The following IQSEC1 variants were observed in gnomAD, a reference collection of about 807,000 sequenced individuals.
IQSEC1 encodes IQ motif and SEC7 domain-containing protein 1.
In IQSEC1, 31 loss-of-function variants were observed where a neutral mutation model predicts 91.0. The observed-to-expected ratio is 0.34, with a 90% confidence interval of 0.26 to 0.46. The LOEUF (loss-of-function observed/expected upper bound fraction) is 0.46. Ranked by LOEUF, IQSEC1 falls within the 20% of genes least tolerant of loss-of-function variation. The pLI, the probability that IQSEC1 is intolerant of heterozygous loss-of-function variation, is 1.00. For missense variants in IQSEC1, 1,388 were observed against 1,575.6 expected, an observed-to-expected ratio of 0.88 and a Z score of 2.02; for synonymous variants, 699 against 662.6, an observed-to-expected ratio of 1.05 and a Z score of -0.84.
intron 1 of IQSEC1, among the ~76,000 whole-genome samples, chr3:13,046,356 C>T (rs1704493468): frequency 6.6e-6 from 1 of 152,222 alleles, no homozygotes; most frequent in East Asian, 1.9e-4. Flanking sequence ...GCTGTGTCCT[C>T]CAGGAGCGCA....
intron 1 of IQSEC1, among the ~76,000 whole-genome samples, chr3:13,165,708 T>G (rs1576279080): frequency 6.6e-6 from 1 of 151,680 alleles, no homozygotes; most frequent in Non-Finnish European, 1.5e-5. Context: ...CCACCAACCA[T>G]GAGTGTGAGC....
At chr3:13,257,561 G>A (rs938592108) in intron 1 of IQSEC1, among the ~76,000 whole-genome samples, 1 of 152,212 alleles carries the variant, frequency 6.6e-6, no homozygotes, top group Non-Finnish European at 1.5e-5. Flanking sequence ...AAGCCTCAGG[G>A]AGACTCGGGA....
In IQSEC1 at chr3:12,936,058, G is replaced by T; in HGVS notation, c.958C>A (p.Leu320Ile). 1 of 1,606,376 alleles carries T rather than the reference G, an allele frequency of 6.2e-7. No homozygotes were observed. ...TCTGGGGCTGCGCCCCCAGCCCGTA[G>T]CCGCAGGTCCGACTCGGTGCTGGAC... ...RPSSTESDLR[L>I]RAGGAAPDYW... Residue 320 changes from leucine to isoleucine, a missense_variant, in exon 3 of 14, where the codon CTA (leucine) becomes ATA (isoleucine). Physicochemically the swap from Leu to Ile is conservative, Grantham distance 5. This residue lies in a region of IQSEC1 where 1,059 missense variants were observed against 1,317.8 expected (regional missense o/e 0.80). Transcript: ENST00000613206.
intron 1 of IQSEC1, among the ~76,000 whole-genome samples, chr3:13,173,138 A>G (rs1693650999): frequency 1.3e-5 from 2 of 152,354 alleles, no homozygotes; most frequent in South Asian, 4.1e-4. Context: ...AAATCTGAGA[A>G]ACCTCCAAGG....
intron 2 of IQSEC1, among the ~76,000 whole-genome samples, chr3:13,108,514 T>A (rs1218405825): frequency 6.6e-6 from 1 of 152,162 alleles, no homozygotes; most frequent in Non-Finnish European, 1.5e-5. Context: ...ATTCTATTTT[T>A]TTTTTTAGCC....
At chr3:12,949,173 C>A (rs920394819) in intron 1 of IQSEC1, among the ~76,000 whole-genome samples, 34 of 152,348 alleles carry the variant, frequency 2.2e-4, no homozygotes, top group Admixed American at 2.0e-3. Flanking sequence ...TGACCCCACA[C>A]CATGCCTCTC....
chr3:13,078,954 C>T (rs1043612287), intron 2 of IQSEC1, among the ~76,000 whole-genome samples: 4 of 152,216 alleles, frequency 2.6e-5, no homozygotes, highest in Non-Finnish European at 4.4e-5. Context: ...TCTTTTCTAT[C>T]AGTATTGTAA....
intron 9 of IQSEC1, among the ~76,000 whole-genome samples, chr3:12,912,849 C>T (rs1695700396): frequency 6.6e-6 from 1 of 152,172 alleles, no homozygotes; most frequent in African/African-American, 2.4e-5. Flanking sequence ...CCCCAGTTTC[C>T]TTTTGGGGAA....
chr3:12,932,086 G>C (rs1164899388), intron 3 of IQSEC1, among the ~76,000 whole-genome samples: 3 of 152,244 alleles, frequency 2.0e-5, no homozygotes, highest in Non-Finnish European at 4.4e-5. Context: ...GCTCATTCCA[G>C]GGAGGAATGT....
intron 1 of IQSEC1, among the ~76,000 whole-genome samples, chr3:13,182,722 G>A (rs1693865595): frequency 6.6e-6 from 1 of 151,798 alleles, no homozygotes; most frequent in Non-Finnish European, 1.5e-5. Flanking sequence ...AAATCGCAAG[G>A]GAAATTCAAA....
In IQSEC1 at chr3:12,966,631, C is replaced by T. The variant is rs73028715; in HGVS notation, c.24-24766G>A. 9.0e-3 allele frequency among the ~76,000 whole-genome samples: 1,374 copies of T among 152,280 alleles called. 16 individuals carry two copies. The highest frequency in any genetic ancestry group is 0.025 in the South Asian group (120 of 4,830). ...CCCCTAAGTAGAAAAGGGTTGGCCC[C>T]TCTGACACACCAGACTCCATCCCTG... On this transcript the variant is annotated intron_variant, in intron 1 of 13. Coordinates refer to ENST00000613206, the MANE Select transcript of IQSEC1 (RefSeq NM_001134382.3).
At chr3:13,036,528 C>A (rs929824932) in intron 1 of IQSEC1, among the ~76,000 whole-genome samples, 1 of 152,150 alleles carries the variant, frequency 6.6e-6, no homozygotes, top group Non-Finnish European at 1.5e-5. Context: ...TTCAGAACTG[C>A]ACTGTCCCCT....
chr3:13,153,606 A>T (rs1018021057), intron 2 of IQSEC1, among the ~76,000 whole-genome samples: 1 of 152,154 alleles, frequency 6.6e-6, no homozygotes, highest in Non-Finnish European at 1.5e-5. Flanking sequence ...CCTCCTGGCC[A>T]ATTCCTGTGG....
intron 1 of IQSEC1, among the ~76,000 whole-genome samples, chr3:13,168,240 C>T (rs1693534959): frequency 6.6e-6 from 1 of 152,176 alleles, no homozygotes. Context: ...TCTCAAATCA[C>T]CACGATTATT....
chr3:13,158,483 C>A (rs1439510265), intron 2 of IQSEC1, among the ~76,000 whole-genome samples: 4 of 152,240 alleles, frequency 2.6e-5, no homozygotes, highest in African/African-American at 9.6e-5. Context: ...ACTCACACAT[C>A]TTGGTTCCAG....
intron 1 of IQSEC1, among the ~76,000 whole-genome samples, chr3:12,981,445 C>T (rs1559696263): frequency 2.0e-5 from 3 of 152,050 alleles, no homozygotes; most frequent in South Asian, 2.1e-4. Context: ...ACTAATAACA[C>T]GAGACATCTC....
intron 2 of IQSEC1, among the ~76,000 whole-genome samples, chr3:13,124,430 G>A: frequency 6.6e-6 from 1 of 152,338 alleles, no homozygotes; most frequent in Admixed American, 6.5e-5. Flanking sequence ...CACATCCAGT[G>A]ATTGCTGAGG....
At chr3:13,106,133 T>C (rs552515953) in intron 2 of IQSEC1, among the ~76,000 whole-genome samples, 2 of 152,272 alleles carry the variant, frequency 1.3e-5, no homozygotes, top group South Asian at 4.1e-4. Context: ...CTCTGCATTC[T>C]GAACAGAGAG....
At chr3:12,971,703 G>C (rs1300674438) in intron 1 of IQSEC1, among the ~76,000 whole-genome samples, 1 of 152,182 alleles carries the variant, frequency 6.6e-6, no homozygotes, top group Non-Finnish European at 1.5e-5. Flanking sequence ...CTGGGAGACA[G>C]AGCGAGACTC....
Sources: allele counts gnomAD v4.1 joint callset (sites outside exome capture counted in the v4.1 genomes callset), GRCh38; gene constraint gnomAD v4.1.1; regional missense constraint gnomAD v4.1.1; transcripts MANE v1.5; gene names NCBI Gene and HGNC (gene_info 2026-07-23, HGNC 2026-07-21).